SORCS1: variants seen among roughly 807,000 people sequenced by gnomAD.
SORCS1 encodes sortilin related VPS10 domain containing receptor 1.
Under a neutral mutation model 146.1 loss-of-function variants are expected in SORCS1, and 60 were observed. The observed-to-expected ratio is 0.41, with a 90% confidence interval of 0.33 to 0.51. The LOEUF is 0.51. Ranked by LOEUF, SORCS1 falls within the 20% of genes least tolerant of loss-of-function variation. The probability of loss-of-function intolerance (pLI) is 0.21; values close to 1 mark genes in which losing one functional copy is unlikely to be tolerated. For synonymous variants in SORCS1, 637 were observed against 584.0 expected (o/e 1.09, Z -1.31); for missense variants, 1,352 against 1,487.6 (o/e 0.91, Z 1.50).
intron 2 of SORCS1, among the ~76,000 whole-genome samples, chr10:106,905,662 G>A: frequency 6.6e-6 from 1 of 152,130 alleles, no homozygotes; most frequent in East Asian, 1.9e-4. Context: ...GAGGGTTAGG[G>A]CTGTTTTTCC....
chr10:106,995,141 C>T (rs887562730), intron 1 of SORCS1, among the ~76,000 whole-genome samples: 1 of 151,662 alleles, frequency 6.6e-6, no homozygotes, highest in African/African-American at 2.4e-5. Context: ...TGAAACCCCG[C>T]CTCTACTAAA....
chr10:106,760,216 G>A (rs1305201720), intron 5 of SORCS1, among the ~76,000 whole-genome samples: 3 of 152,062 alleles, frequency 2.0e-5, no homozygotes, highest in East Asian at 3.9e-4. Context: ...AGGCCGAGGT[G>A]GGGGGATCTT....
rs1361067691 is a variant in SORCS1 at position 106,776,547 on chromosome 10, C to A, written c.872G>T (p.Ser291Ile). The A allele has an allele frequency of 6.2e-7, 1 of 1,613,874 alleles. No homozygotes were observed. The highest frequency in any genetic ancestry group is 8.5e-7 in the Non-Finnish European group (1 of 1,179,910). The change falls in exon 4 of 26, where the codon AGT becomes ATT. Residue 291 changes from serine to isoleucine, a missense_variant. Physicochemically the swap from Ser to Ile is moderately radical, Grantham distance 142. This residue lies in a region of SORCS1 where 490 missense variants were observed against 489.1 expected (regional missense o/e 1.00). Transcript: ENST00000263054. ...PKQEDWILAY[S>I]QDQKLYSSAE... Reference sequence around the variant, plus strand: ...AAGTATGCTCACCTTTTGGTCTTGACTGTATGCCAGAATCCAGTCTTCTTG... The same window carrying A: ...AAGTATGCTCACCTTTTGGTCTTGAATGTATGCCAGAATCCAGTCTTCTTG...
intron 18 of SORCS1, among the ~76,000 whole-genome samples, chr10:106,632,128 T>C (rs1263596689): frequency 2.0e-5 from 3 of 152,132 alleles, no homozygotes; most frequent in Non-Finnish European, 2.9e-5. Context: ...AGGTTTAACA[T>C]GCACCTGACA....
chr10:106,598,141 C>T (rs72821147), intron 23 of SORCS1, among the ~76,000 whole-genome samples: 3,062 of 151,822 alleles, frequency 0.02, 37 homozygotes, highest in Middle Eastern at 0.048. Flanking sequence ...TAAAATGGTT[C>T]GTCTGTTTAG....
intron 23 of SORCS1, chr10:106,600,840 T>A: frequency 2.4e-6 from 1 of 420,474 alleles, no homozygotes; most frequent in Non-Finnish European, 3.2e-6. Flanking sequence ...TTGAACAAGC[T>A]GACAAAGAGA....
At chr10:107,006,638 A>G (rs1589911316) in intron 1 of SORCS1, among the ~76,000 whole-genome samples, 2 of 152,290 alleles carry the variant, frequency 1.3e-5, no homozygotes, top group East Asian at 3.9e-4. Flanking sequence ...TAACACGGTG[A>G]AACCCCATCT....
intron 2 of SORCS1, among the ~76,000 whole-genome samples, chr10:106,871,672 A>G (rs1950410620): frequency 6.6e-6 from 1 of 152,228 alleles, no homozygotes; most frequent in African/African-American, 2.4e-5. Context: ...GTTCTCATTC[A>G]TAAGTGGGAG....
At chr10:106,731,292 C>CAAAA (rs57238882) in intron 5 of SORCS1, among the ~76,000 whole-genome samples, 1 of 23,762 alleles carries the variant, frequency 4.2e-5, no homozygotes, top group African/African-American at 1.4e-4. Context: ...GACTCCGTCT[C>CAAAA]AAAAAAAAAA....
At chr10:106,918,072 T>A (rs1270298897) in intron 2 of SORCS1, among the ~76,000 whole-genome samples, 1 of 152,208 alleles carries the variant, frequency 6.6e-6, no homozygotes, top group African/African-American at 2.4e-5. Context: ...AATCTTCCTG[T>A]CCAGGACATC....
chr10:106,743,283 G>A (rs542888916), intron 5 of SORCS1, among the ~76,000 whole-genome samples: 1 of 152,218 alleles, frequency 6.6e-6, no homozygotes, highest in Non-Finnish European at 1.5e-5. Flanking sequence ...GGAAAGAGAA[G>A]CCAGAGAGAG....
Position 107,090,098 on chromosome 10 carries a change from G to A in SORCS1, c.558+73871C>T, listed in dbSNP as rs560574219. Among the ~76,000 whole-genome samples, 24 of 152,274 alleles carry A rather than the reference G, an allele frequency of 1.6e-4. No homozygotes were observed. In the South Asian group the frequency reaches 3.7e-3, roughly 24 times the overall value. ...AGGTGGAGAGCCTGATGGCTTCCAC[G>A]CAGAGGGGTTCAGGTCTCTCTCTGG... On this transcript the variant is annotated intron_variant, in intron 1 of 25. Coordinates refer to ENST00000263054, the MANE Select transcript of SORCS1 (RefSeq NM_052918.5).
At chr10:106,756,555 T>G (rs1229818361) in intron 5 of SORCS1, among the ~76,000 whole-genome samples, 1 of 152,142 alleles carries the variant, frequency 6.6e-6, no homozygotes, top group Admixed American at 6.5e-5. Flanking sequence ...TGCTGTCAGT[T>G]AAATTAAAAG....
chr10:106,976,325 G>GTTTGTT (rs1554901298), intron 1 of SORCS1, among the ~76,000 whole-genome samples: 2 of 90,488 alleles, frequency 2.2e-5, no homozygotes, highest in Admixed American at 1.1e-4. Context: ...CATCATCTAG[G>GTTTGTT]TTTTTTTGTT....
At chr10:107,061,471 A>G (rs1046211959) in intron 1 of SORCS1, among the ~76,000 whole-genome samples, 1 of 152,206 alleles carries the variant, frequency 6.6e-6, no homozygotes, top group African/African-American at 2.4e-5. Context: ...GTTTTTCGAC[A>G]TCTCTTATGT....
intron 11 of SORCS1, 88 bp from the exon 12 acceptor site, chr10:106,679,420 T>G (rs1385026172): frequency 8.7e-7 from 1 of 1,151,906 alleles, no homozygotes; most frequent in East Asian, 2.4e-5. Flanking sequence ...CTGAGAAAGA[T>G]TTTGACTGCA....
chr10:106,799,116 A>G (rs1946738107), intron 3 of SORCS1, among the ~76,000 whole-genome samples: 1 of 152,244 alleles, frequency 6.6e-6, no homozygotes, highest in Non-Finnish European at 1.5e-5. Context: ...CCTGACAAAA[A>G]CAAGAAATGG....
At chr10:106,736,970 G>T (rs1856992763) in intron 5 of SORCS1, among the ~76,000 whole-genome samples, 1 of 152,138 alleles carries the variant, frequency 6.6e-6, no homozygotes, top group Non-Finnish European at 1.5e-5. Flanking sequence ...TCCACGTGCT[G>T]CATTTTGTCA....
chr10:106,735,146 C>CAAAAAAA (rs56273269), intron 5 of SORCS1, among the ~76,000 whole-genome samples: 1 of 128,684 alleles, frequency 7.8e-6, no homozygotes, highest in Non-Finnish European at 1.6e-5. Context: ...GACTCCATCT[C>CAAAAAAA]AAAAAAAAAA....
Sources: allele counts gnomAD v4.1 joint callset (sites outside exome capture counted in the v4.1 genomes callset), GRCh38; gene constraint gnomAD v4.1.1; regional missense constraint gnomAD v4.1.1; transcripts MANE v1.5; gene names NCBI Gene and HGNC (gene_info 2026-07-23, HGNC 2026-07-21).